PIWIL1: variants seen among roughly 807,000 people sequenced by gnomAD.
The protein encoded by PIWIL1 is piwi-like protein 1.
PIWIL1 carries 73 observed loss-of-function variants against 114.4 expected under a neutral mutation model. That is an observed-to-expected ratio of 0.64 (90% confidence interval 0.53 to 0.78). The LOEUF (loss-of-function observed/expected upper bound fraction) is 0.78. PIWIL1 is among the 30% of genes least tolerant of loss of function. The pLI is 0.00. For missense variants in PIWIL1, 723 were observed against 1,063.1 expected (o/e 0.68, Z 4.45); for synonymous variants, 375 against 369.0 (o/e 1.02, Z -0.19).
downstream of PIWIL1, among the ~76,000 whole-genome samples, chr12:130,375,344 T>C (rs922302727): frequency 6.6e-6 from 1 of 152,234 alleles, no homozygotes; most frequent in Non-Finnish European, 1.5e-5. Context: ...TGTCAATACA[T>C]GTATGTCTAG....
At chr12:130,399,095 A>G in the PIWIL1 span, 1 of 1,335,724 alleles carries the variant, frequency 7.5e-7, no homozygotes, top group Non-Finnish European at 9.8e-7. Flanking sequence ...CTTTATCGGT[A>G]TCTTCAGTTG....
chr12:130,409,859 T>A, the PIWIL1 span, among the ~76,000 whole-genome samples: 1 of 152,368 alleles, frequency 6.6e-6, no homozygotes, highest in East Asian at 1.9e-4. Flanking sequence ...AACATTCATG[T>A]ACAGTTTTTT....
chr12:130,413,040 G>T, the PIWIL1 span, among the ~76,000 whole-genome samples: 1 of 151,932 alleles, frequency 6.6e-6, no homozygotes, highest in African/African-American at 2.4e-5. Context: ...CATCAGGCAG[G>T]GTGTTTGCTT....
downstream of PIWIL1, among the ~76,000 whole-genome samples, chr12:130,374,171 C>T (rs1016233915): frequency 3.9e-5 from 6 of 152,176 alleles, no homozygotes; most frequent in Admixed American, 6.5e-5. Context: ...CAATTTTACA[C>T]GCATTCCCTA....
chr12:130,374,309 C>T (rs778873697), downstream of PIWIL1, among the ~76,000 whole-genome samples: 7 of 152,202 alleles, frequency 4.6e-5, 2 homozygotes, highest in Middle Eastern at 0.021. Context: ...TACTATGATA[C>T]GAGTCTTCAG....
the PIWIL1 span, among the ~76,000 whole-genome samples, chr12:130,395,535 C>CAA: frequency 6.6e-6 from 1 of 152,152 alleles, no homozygotes; most frequent in Non-Finnish European, 1.5e-5. Context: ...TAAATATTTT[C>CAA]AAAAGATTTA....
chr12:130,415,039 C>G, the PIWIL1 span, among the ~76,000 whole-genome samples: 3 of 152,152 alleles, frequency 2.0e-5, no homozygotes, highest in African/African-American at 7.2e-5. Context: ...AGGACTCCAC[C>G]CTAACTCATT....
At chr12:130,388,982 TAAC>T in the PIWIL1 span, among the ~76,000 whole-genome samples, 1 of 152,176 alleles carries the variant, frequency 6.6e-6, no homozygotes, top group African/African-American at 2.4e-5. Context: ...TTTACCAGGT[TAAC>T]AATTTATTCA....
the PIWIL1 span, among the ~76,000 whole-genome samples, chr12:130,378,183 G>A: frequency 6.6e-6 from 1 of 152,084 alleles, no homozygotes; most frequent in Non-Finnish European, 1.5e-5. Flanking sequence ...CTCCCCACCG[G>A]GACCAGATGC....
intron 6 of PIWIL1, among the ~76,000 whole-genome samples, 183 bp from the exon 7 acceptor site, chr12:130,347,920 T>G (rs1349381403): frequency 2.0e-5 from 3 of 152,222 alleles, no homozygotes; most frequent in African/African-American, 7.2e-5. Context: ...CTTTTATTTT[T>G]TCCAACCTCA....
chr12:130,378,516 G>C, the PIWIL1 span, among the ~76,000 whole-genome samples: 7 of 152,148 alleles, frequency 4.6e-5, no homozygotes, highest in Non-Finnish European at 1.0e-4. Context: ...TATATGGGAA[G>C]CATGTCTGCA....
intron 14 of PIWIL1, among the ~76,000 whole-genome samples, chr12:130,358,491 ATAG>A (rs1180907893): frequency 2.6e-5 from 4 of 152,196 alleles, no homozygotes; most frequent in African/African-American, 9.6e-5. Flanking sequence ...GGTAGTAATA[ATAG>A]TAGTGAACCC....
chr12:130,390,022 T>G, the PIWIL1 span, among the ~76,000 whole-genome samples: 1 of 152,234 alleles, frequency 6.6e-6, no homozygotes, highest in Non-Finnish European at 1.5e-5. Flanking sequence ...ACCATGTTGT[T>G]GGAAACCAGA....
chr12:130,361,846 C>T (rs2073519507), intron 16 of PIWIL1, among the ~76,000 whole-genome samples: 1 of 152,088 alleles, frequency 6.6e-6, no homozygotes, highest in Non-Finnish European at 1.5e-5. Flanking sequence ...TTAAATGTGA[C>T]TCTCTCTAAA....
At chr12:130,414,074 C>G in the PIWIL1 span, 2 of 1,592,020 alleles carry the variant, frequency 1.3e-6, no homozygotes, top group Non-Finnish European at 1.7e-6. Context: ...CCCCATGACC[C>G]AGACCCGCCT....
intron 14 of PIWIL1, among the ~76,000 whole-genome samples, chr12:130,357,926 A>G (rs2073409421): frequency 1.3e-5 from 2 of 152,232 alleles, no homozygotes; most frequent in South Asian, 4.1e-4. Flanking sequence ...AGCTCCCCAG[A>G]CAGCCTAGTG....
intron 1 of PIWIL1, among the ~76,000 whole-genome samples, chr12:130,338,943 G>C (rs1327704539): frequency 6.6e-6 from 1 of 151,762 alleles, no homozygotes; most frequent in Non-Finnish European, 1.5e-5. Flanking sequence ...CCGGGGGTGC[G>C]GGGGCGGAGG....
At chr12:130,394,664 A>ATT in the PIWIL1 span, among the ~76,000 whole-genome samples, 9 of 147,606 alleles carry the variant, frequency 6.1e-5, no homozygotes, top group South Asian at 1.1e-3. Context: ...GGATTTTTGC[A>ATT]TTTTTTTTTT....
chr12:130,401,189 C>T, the PIWIL1 span, among the ~76,000 whole-genome samples: 1 of 152,052 alleles, frequency 6.6e-6, no homozygotes, highest in African/African-American at 2.4e-5. Flanking sequence ...GATCTCGGCT[C>T]ACTGCCACCT....
Sources: gnomAD v4.1 joint callset for allele counts (sites outside exome capture counted in the v4.1 genomes callset) on GRCh38, gnomAD v4.1.1 for gene constraint, MANE v1.5 for transcripts, NCBI Gene and HGNC (gene_info 2026-07-23, HGNC 2026-07-21) for gene names.